Variants in NXPE2 observed in about 807,000 individuals in gnomAD.
NXPE2 encodes NXPE family member 2.
Under a neutral mutation model 34.4 loss-of-function variants are expected in NXPE2, and 34 were observed. That is an observed-to-expected ratio of 0.99 (90% CI 0.75 to 1.31). The LOEUF (loss-of-function observed/expected upper bound fraction) is 1.31, where lower values mean the gene tolerates loss of function less well. Among genes scored for constraint, NXPE2 ranks in the 40% most tolerant of loss-of-function variants. The probability of loss-of-function intolerance (pLI) is 0.00; values close to 1 mark genes in which losing one functional copy is unlikely to be tolerated. For missense variants in NXPE2, 649 were observed against 672.5 expected (o/e 0.97, Z 0.39); for synonymous variants, 235 against 231.3 (o/e 1.02, Z -0.15).
At chr11:114,580,288 T>C in the NXPE2 span, 5,497 of 1,614,066 alleles carry the variant, frequency 3.4e-3, 14 homozygotes, top group Non-Finnish European at 4.2e-3. Context: ...CCACTGGGGA[T>C]TGTGGATGTC....
the NXPE2 span, among the ~76,000 whole-genome samples, chr11:114,498,331 A>T: frequency 6.6e-6 from 1 of 152,134 alleles, no homozygotes; most frequent in Non-Finnish European, 1.5e-5. Flanking sequence ...ACACAAAAAA[A>T]TGATAAATAC....
chr11:114,591,754 C>A, the NXPE2 span, among the ~76,000 whole-genome samples: 1 of 152,028 alleles, frequency 6.6e-6, no homozygotes, highest in African/African-American at 2.4e-5. Flanking sequence ...CATGGAATTC[C>A]AGGCCCCTGT....
the NXPE2 span, among the ~76,000 whole-genome samples, chr11:114,558,560 C>T: frequency 3.9e-5 from 6 of 151,962 alleles, no homozygotes; most frequent in African/African-American, 1.2e-4. Flanking sequence ...TGACAAAGGC[C>T]TTTTCTGATT....
the NXPE2 span, among the ~76,000 whole-genome samples, chr11:114,564,236 C>A: frequency 6.6e-6 from 1 of 152,138 alleles, no homozygotes; most frequent in African/African-American, 2.4e-5. Flanking sequence ...TATGTTCTCA[C>A]TCATAAGTGG....
the NXPE2 span, among the ~76,000 whole-genome samples, chr11:114,517,590 T>TATTTATTG: frequency 6.6e-6 from 1 of 152,228 alleles, no homozygotes; most frequent in South Asian, 2.1e-4. Context: ...ATTTGACAAA[T>TATTTATTG]ATTTATTGCT....
the NXPE2 span, among the ~76,000 whole-genome samples, chr11:114,540,858 T>TGGGC: frequency 1.6e-5 from 1 of 64,220 alleles, no homozygotes; most frequent in Non-Finnish European, 2.6e-5. Context: ...TTTTTTTTTT[T>TGGGC]TTTTTTTTTT....
the NXPE2 span, among the ~76,000 whole-genome samples, chr11:114,606,554 G>A: frequency 6.6e-5 from 10 of 151,900 alleles, no homozygotes; most frequent in East Asian, 7.7e-4. Flanking sequence ...TTGCCTCATG[G>A]GGAACCACTG....
the NXPE2 span, among the ~76,000 whole-genome samples, chr11:114,778,379 A>T: frequency 6.6e-6 from 1 of 152,214 alleles, no homozygotes; most frequent in East Asian, 1.9e-4. Flanking sequence ...ATGACGAGAC[A>T]GCATCAGAGG....
chr11:114,800,447 CTGTT>C, the NXPE2 span, among the ~76,000 whole-genome samples: 85 of 152,306 alleles, frequency 5.6e-4, no homozygotes, highest in African/African-American at 1.7e-3. Flanking sequence ...ATTATTCAAA[CTGTT>C]TGTTAAACTG....
the NXPE2 span, among the ~76,000 whole-genome samples, chr11:114,790,253 C>G: frequency 1.3e-5 from 2 of 152,232 alleles, no homozygotes; most frequent in East Asian, 3.8e-4. Flanking sequence ...GACACATTCT[C>G]TTTCCATTTC....
the NXPE2 span, among the ~76,000 whole-genome samples, chr11:114,759,127 C>G: frequency 6.6e-6 from 1 of 152,042 alleles, no homozygotes; most frequent in Non-Finnish European, 1.5e-5. Flanking sequence ...GTCTCTTTCT[C>G]TCTCTCTCTC....
chr11:114,607,290 ATAGT>A, the NXPE2 span, among the ~76,000 whole-genome samples: 3 of 151,852 alleles, frequency 2.0e-5, no homozygotes, highest in Admixed American at 6.6e-5. Context: ...TGCCTGGTGG[ATAGT>A]TAGTATTGCC....
At chr11:114,765,254 A>C in the NXPE2 span, among the ~76,000 whole-genome samples, 2 of 151,960 alleles carry the variant, frequency 1.3e-5, no homozygotes, top group Non-Finnish European at 2.9e-5. Flanking sequence ...ATACAGACAT[A>C]CTTTTTTTAT....
chr11:114,771,646 C>G, the NXPE2 span, among the ~76,000 whole-genome samples: 2 of 152,146 alleles, frequency 1.3e-5, no homozygotes, highest in Admixed American at 1.3e-4. Flanking sequence ...TTTGCGTGTA[C>G]CTCACCCTTT....
chr11:114,507,170 C>T, the NXPE2 span, among the ~76,000 whole-genome samples: 2 of 146,384 alleles, frequency 1.4e-5, no homozygotes. Context: ...AAGACTGAAC[C>T]AGGAAAAAAT....
the NXPE2 span, among the ~76,000 whole-genome samples, chr11:114,763,366 TATC>T: frequency 2.6e-5 from 4 of 152,184 alleles, no homozygotes; most frequent in Non-Finnish European, 5.9e-5. Context: ...TAACTGCTGT[TATC>T]ATAAGGAGTT....
chr11:114,700,709 T>A (rs1238832144), intron 3 of NXPE2, among the ~76,000 whole-genome samples: 1 of 152,130 alleles, frequency 6.6e-6, no homozygotes, highest in Non-Finnish European at 1.5e-5. Flanking sequence ...TCTGGAGAAA[T>A]AATTAAAGTT....
chr11:114,700,559 G>A (rs1450366914), intron 3 of NXPE2, among the ~76,000 whole-genome samples: 1 of 152,126 alleles, frequency 6.6e-6, no homozygotes, highest in African/African-American at 2.4e-5. Flanking sequence ...TAGGGAGGCA[G>A]GGCCTTAGAA....
At chr11:114,513,928 A>G in the NXPE2 span, among the ~76,000 whole-genome samples, 64 of 152,334 alleles carry the variant, frequency 4.2e-4, no homozygotes, top group African/African-American at 1.5e-3. Context: ...ACAAAACTCA[A>G]AAGACACAAA....
Sources: gnomAD v4.1 joint callset for allele counts (sites outside exome capture counted in the v4.1 genomes callset) on GRCh38, gnomAD v4.1.1 for gene constraint, MANE v1.5 for transcripts, NCBI Gene and HGNC (gene_info 2026-07-23, HGNC 2026-07-21) for gene names.